DDX42: variants seen among roughly 807,000 people sequenced by gnomAD.
DDX42 encodes ATP-dependent RNA helicase DDX42.
In DDX42, 22 loss-of-function variants were observed where a neutral mutation model predicts 101.5. That is an observed-to-expected ratio of 0.22 (90% confidence interval 0.15 to 0.31). The LOEUF is 0.31. Ranked by LOEUF, DDX42 falls within the 10% of genes least tolerant of loss-of-function variation. DDX42 has a pLI of 1.00. For synonymous variants in DDX42, 402 were observed against 401.2 expected (o/e 1.00, Z -0.02); for missense variants, 849 against 1,199.9 (o/e 0.71, Z 4.32).
intron 6 of DDX42, 97 bp from the exon 7 acceptor site, chr17:63,804,974 C>G (rs2039821021): frequency 3.5e-6 from 5 of 1,439,696 alleles, no homozygotes; most frequent in Non-Finnish European, 4.6e-6. Flanking sequence ...AATGGCTTTA[C>G]TTGTGTAAAA....
In DDX42 at chr17:63,818,064, A is replaced by G; in HGVS notation, c.2483A>G (p.His828Arg). The G allele has an allele frequency of 3.1e-6, 5 of 1,614,086 alleles. No individual in the cohort carries two copies. The highest frequency in any genetic ancestry group is 4.5e-5 in the East Asian group (2 of 44,886). Residue 828 changes from histidine (H) to arginine (R), a missense_variant, in exon 18 of 18, where the codon CAT becomes CGT. Transcript: ENST00000389924. ...RHSHGETGNR[H>R]SDSPRHGDGG... is the part of the protein sequence containing the mutation. ...AGTCACGGAGAGACTGGCAATCGGCATAGCGATAGTCCACGTCACGGAGAT... is the reference window on the plus strand; with the variant it reads ...AGTCACGGAGAGACTGGCAATCGGCGTAGCGATAGTCCACGTCACGGAGAT...
chr17:63,817,324 C>A, intron 17 of DDX42: 1 of 322,344 alleles, frequency 3.1e-6, no homozygotes, highest in South Asian at 5.2e-5. Flanking sequence ...TAAGGTGAAT[C>A]GATAGAATGA....
intron 1 of DDX42, chr17:63,774,610 A>G (rs2144510589): frequency 6.5e-6 from 1 of 154,608 alleles, no homozygotes. Flanking sequence ...CACAAGTCTT[A>G]CCGAGGCCCA....
chr17:63,776,561 T>TA (rs2039423432), intron 1 of DDX42, among the ~76,000 whole-genome samples: 1 of 152,196 alleles, frequency 6.6e-6, no homozygotes, highest in Non-Finnish European at 1.5e-5. Flanking sequence ...GTAGCTGACA[T>TA]ATTGAACAAG....
intron 1 of DDX42, among the ~76,000 whole-genome samples, chr17:63,778,209 C>G (rs984310616): frequency 2.0e-5 from 3 of 152,194 alleles, no homozygotes; most frequent in Non-Finnish European, 4.4e-5. Context: ...CTGTGTGTCT[C>G]ACTATTACTT....
intron 17 of DDX42, chr17:63,817,460 C>G: frequency 2.1e-6 from 1 of 480,340 alleles, no homozygotes; most frequent in South Asian, 3.6e-5. Context: ...TCTAGCCAAT[C>G]AGGCTATAAA....
intron 4 of DDX42, among the ~76,000 whole-genome samples, chr17:63,799,066 G>A (rs59072233): frequency 6.6e-6 from 1 of 152,114 alleles, no homozygotes; most frequent in East Asian, 1.9e-4. Context: ...CTGTTTAAGC[G>A]TTTTATTCCC....
chr17:63,815,468 T>C, intron 15 of DDX42, 95 bp from the exon 16 acceptor site: 2 of 861,380 alleles, frequency 2.3e-6, no homozygotes, highest in East Asian at 2.7e-5. Flanking sequence ...TAAGCAAAAG[T>C]TCCCCCTTCC....
chr17:63,799,536 C>G (rs370483713), intron 4 of DDX42, 53 bp from the exon 5 acceptor site: 189 of 1,602,756 alleles, frequency 1.2e-4, no homozygotes, highest in Non-Finnish European at 1.6e-4. Context: ...AAGTATGGAG[C>G]TGGGTATGTG....
At chr17:63,775,298 C>G (rs1345242361) in intron 1 of DDX42, 1 of 152,494 alleles carries the variant, frequency 6.6e-6, no homozygotes, top group Admixed American at 6.5e-5. Context: ...TTCGTTCATT[C>G]AAGGGGTATT....
chr17:63,792,701 T>C (rs1310892044), intron 3 of DDX42, 139 bp downstream of exon 3: 5 of 834,296 alleles, frequency 6.0e-6, no homozygotes, highest in Non-Finnish European at 8.8e-6. Context: ...CAGTAGTCTA[T>C]AGTTGCATAT....
At chr17:63,807,149 G>GT (rs948724360) in intron 8 of DDX42, among the ~76,000 whole-genome samples, 15 of 151,232 alleles carry the variant, frequency 9.9e-5, no homozygotes, top group Admixed American at 5.9e-4. Context: ...TTTTGTTTTT[G>GT]TTTTTTTTGG....
At position 63,774,201 on chromosome 17, in the gene DDX42, A is replaced by AGGCGGTGGCGGTGGTGGCGGT. The variant is rs1555717917; in HGVS notation, c.-186_-166dup. The AGGCGGTGGCGGTGGTGGCGGT allele has an allele frequency of 3.8e-6, 1 of 259,908 alleles. No homozygotes were observed. Among genetic ancestry groups the AGGCGGTGGCGGTGGTGGCGGT allele is most frequent in the Non-Finnish European group, 7.0e-6 (1 of 142,546 alleles). The allele number at this position is 259,908 out of a possible 1,614,324, so 16.1% of individuals were successfully genotyped here. ...CTCCCCCCTTCAGCAACGGGCCGTGAGGCGGTGGCGGTGGTGGCGGTGGCG... is the reference window on the plus strand; with the variant it reads ...CTCCCCCCTTCAGCAACGGGCCGTGAGGCGGTGGCGGTGGTGGCGGTGGCGGTGGCGGTGGTGGCGGTGGCG... On this transcript the variant is annotated 5_prime_UTR_variant, in exon 1 of 18. Coordinates refer to ENST00000389924, the MANE Select transcript of DDX42 (RefSeq NM_203499.3).
intron 1 of DDX42, among the ~76,000 whole-genome samples, chr17:63,776,529 T>A (rs888843404): frequency 6.6e-6 from 1 of 152,218 alleles, no homozygotes; most frequent in Non-Finnish European, 1.5e-5. Flanking sequence ...TCAGAAATAA[T>A]GTAATAATGA....
chr17:63,778,384 CAGAG>C (rs1396006031), intron 1 of DDX42, among the ~76,000 whole-genome samples: 6 of 152,192 alleles, frequency 3.9e-5, no homozygotes, highest in Non-Finnish European at 5.9e-5. Flanking sequence ...TCATTCATCT[CAGAG>C]AGGCCTTGCC....
intron 11 of DDX42, 152 bp downstream of exon 11, chr17:63,809,811 TA>T: frequency 1.6e-6 from 1 of 625,272 alleles, no homozygotes; most frequent in Non-Finnish European, 2.8e-6. Context: ...TGAACATTTT[TA>T]GGAGTTTTCT....
chr17:63,800,267 TACTA>T (rs749877326), intron 5 of DDX42, 197 bp from the exon 6 acceptor site: 13 of 543,554 alleles, frequency 2.4e-5, no homozygotes, highest in Non-Finnish European at 3.5e-5. Flanking sequence ...CATTTAATAG[TACTA>T]ACTGTTTAAT....
At chr17:63,812,758 C>T (rs2039927536) in intron 14 of DDX42, among the ~76,000 whole-genome samples, 1 of 152,272 alleles carries the variant, frequency 6.6e-6, no homozygotes, top group East Asian at 1.9e-4. Context: ...GGCACGGTGG[C>T]TCACACCTGT....
At chr17:63,812,284 A>G (rs2039919818) in intron 14 of DDX42, 76 bp downstream of exon 14, 2 of 1,513,318 alleles carry the variant, frequency 1.3e-6, no homozygotes, top group Admixed American at 4.2e-5. Flanking sequence ...AAGACCTATA[A>G]TATCTGAGCA....
Sources: gnomAD v4.1 joint callset for allele counts (sites outside exome capture counted in the v4.1 genomes callset) on GRCh38, gnomAD v4.1.1 for gene constraint, MANE v1.5 for transcripts, NCBI Gene and HGNC (gene_info 2026-07-23, HGNC 2026-07-21) for gene names.